RGS6: variants seen among roughly 807,000 people sequenced by gnomAD.
RGS6 encodes the protein regulator of G-protein signaling 6.
In RGS6, 30 loss-of-function variants were observed where a neutral mutation model predicts 78.5. The observed-to-expected ratio is 0.38, with a 90% confidence interval of 0.29 to 0.52. The LOEUF (loss-of-function observed/expected upper bound fraction) is 0.52, where lower values mean the gene tolerates loss of function less well. RGS6 is among the 20% of genes least tolerant of loss of function. The pLI is 0.85. For synonymous variants in RGS6, 206 were observed against 206.0 expected (o/e 1.00, Z 0.00); for missense variants, 495 against 609.7 (o/e 0.81, Z 1.98).
chr14:72,565,811 C>A lies in RGS6; in HGVS notation c.*3344C>A, dbSNP rs1331796508. On this transcript the variant is annotated 3_prime_UTR_variant, in exon 18 of 18. Transcript: ENST00000553525. ...GATGTTTTTCCTAAAATGCATCCCT[C>A]CTGTTCTGCTCCATATACATGTGCT... is the stretch of plus-strand genomic sequence containing the variant. 1.3e-5 allele frequency: 2 copies of A among 152,210 alleles called. No individual in the cohort carries two copies. The highest frequency in any genetic ancestry group is 2.9e-5 in the Non-Finnish European group (2 of 68,082). The allele number at this position is 152,210 out of a possible 1,614,324, so 9.4% of individuals were successfully genotyped here. A position where few individuals can be genotyped will look rare whatever the true frequency, so the allele number is the denominator to read the frequency against.
chr14:72,322,584 A>G (rs1415361308), intron 2 of RGS6, among the ~76,000 whole-genome samples: 1 of 152,104 alleles, frequency 6.6e-6, no homozygotes, highest in African/African-American at 2.4e-5. Flanking sequence ...TAAATAGAGC[A>G]CACAAAAAAG....
At chr14:72,594,926 G>A in the RGS6 span, 2 of 152,042 alleles carry the variant, frequency 1.3e-5, no homozygotes, top group African/African-American at 2.4e-5. Flanking sequence ...TCATCCTGAA[G>A]GCCTAAATTC....
At chr14:72,584,388 G>T in the RGS6 span, among the ~76,000 whole-genome samples, 1 of 152,318 alleles carries the variant, frequency 6.6e-6, no homozygotes, top group East Asian at 1.9e-4. Context: ...AAAATGTCAG[G>T]TAGTAATAAG....
chr14:72,529,461 C>T (rs1447008350), intron 15 of RGS6, among the ~76,000 whole-genome samples: 1 of 152,176 alleles, frequency 6.6e-6, no homozygotes, highest in African/African-American at 2.4e-5. Context: ...CCCACACCAT[C>T]CTCACCTTGG....
intron 2 of RGS6, among the ~76,000 whole-genome samples, chr14:72,058,501 T>G (rs1456087309): frequency 6.6e-6 from 1 of 151,678 alleles, no homozygotes; most frequent in Non-Finnish European, 1.5e-5. Flanking sequence ...AATAGGTATA[T>G]AAAGGGTTTT....
intron 2 of RGS6, among the ~76,000 whole-genome samples, chr14:72,228,815 G>A (rs1464829362): frequency 6.6e-6 from 1 of 152,240 alleles, no homozygotes; most frequent in Non-Finnish European, 1.5e-5. Context: ...GGAGGCCAAG[G>A]CAGCCAGATC....
At chr14:71,909,576 T>TAGAGAGAGAG in the RGS6 span, among the ~76,000 whole-genome samples, 75,374 of 145,770 alleles carry the variant, frequency 0.52, 22,241 homozygotes, top group Non-Finnish European at 0.66. Flanking sequence ...AATAAGGACA[T>TAGAGAGAGAG]AGAGAGAGGG....
chr14:72,154,793 C>T (rs1187270251), intron 2 of RGS6, among the ~76,000 whole-genome samples: 1 of 152,158 alleles, frequency 6.6e-6, no homozygotes, highest in East Asian at 1.9e-4. Context: ...TGCCGTTTTC[C>T]CCAGTAAGTG....
intron 2 of RGS6, among the ~76,000 whole-genome samples, chr14:72,176,240 A>G (rs1405376909): frequency 2.0e-5 from 3 of 152,204 alleles, no homozygotes; most frequent in Non-Finnish European, 4.4e-5. Context: ...TTGGAGAACT[A>G]CATTTGTGGA....
intron 2 of RGS6, among the ~76,000 whole-genome samples, chr14:72,296,406 A>G (rs955110241): frequency 2.0e-5 from 3 of 152,220 alleles, no homozygotes; most frequent in Non-Finnish European, 2.9e-5. Context: ...TTTAAGAAAA[A>G]AACTATCAGA....
At chr14:72,110,784 C>A (rs919959450) in intron 2 of RGS6, among the ~76,000 whole-genome samples, 3 of 152,162 alleles carry the variant, frequency 2.0e-5, no homozygotes, top group Non-Finnish European at 4.4e-5. Flanking sequence ...TATTCATTGA[C>A]CCAGACAAGT....
At chr14:72,391,331 C>T (rs2089932934) in intron 3 of RGS6, among the ~76,000 whole-genome samples, 1 of 152,170 alleles carries the variant, frequency 6.6e-6, no homozygotes, top group African/African-American at 2.4e-5. Context: ...TGAAAAAAAT[C>T]ATTAGCAAAA....
At chr14:72,054,648 A>T (rs539613770) in intron 2 of RGS6, among the ~76,000 whole-genome samples, 2 of 152,180 alleles carry the variant, frequency 1.3e-5, no homozygotes, top group Non-Finnish European at 2.9e-5. Context: ...TGTGAGTGCA[A>T]TGCCTAATCT....
At chr14:71,884,538 G>T in the RGS6 span, among the ~76,000 whole-genome samples, 1 of 152,176 alleles carries the variant, frequency 6.6e-6, no homozygotes, top group East Asian at 1.9e-4. Flanking sequence ...TGGGCTGGGT[G>T]TGGAAAAGGG....
At chr14:72,540,733 C>A in intron 17 of RGS6, 1 of 1,301,886 alleles carries the variant, frequency 7.7e-7, no homozygotes. Flanking sequence ...AGCTGAATCC[C>A]TGCGGTGTCC....
intron 2 of RGS6, among the ~76,000 whole-genome samples, chr14:72,245,201 G>T (rs1265649573): frequency 1.3e-5 from 2 of 152,252 alleles, no homozygotes; most frequent in African/African-American, 2.4e-5. Context: ...TTGAATGCCA[G>T]TTTTATGTGG....
chr14:72,351,805 A>G (rs2079150222), intron 2 of RGS6, among the ~76,000 whole-genome samples: 3 of 152,166 alleles, frequency 2.0e-5, no homozygotes. Flanking sequence ...ATTAAATTAC[A>G]TGTTGGATCC....
intron 2 of RGS6, among the ~76,000 whole-genome samples, chr14:72,150,663 G>A (rs12882756): frequency 0.14 from 20,586 of 151,836 alleles, 1,495 homozygotes; most frequent in South Asian, 0.19. Flanking sequence ...AAATTGCTGC[G>A]AGGTGCTACA....
rs550932114 is a variant in RGS6 at position 72,290,743 on chromosome 14, G to C, written c.85-61352G>C. 2.0e-5 allele frequency among the ~76,000 whole-genome samples: 3 copies of C among 152,288 alleles called. No individual in the cohort carries two copies. The East Asian group carries it at 5.8e-4, about 29-fold the overall frequency. On this transcript the variant is annotated intron_variant, in intron 2 of 17. Coordinates refer to ENST00000553525, the MANE Select transcript of RGS6 (RefSeq NM_001204424.2). ...CTCATTAGGGATTCTTAAAGGAAGT[G>C]CTCAATTTGCACCTATGTTAGCAGA...
Sources: gnomAD v4.1 joint callset for allele counts (sites outside exome capture counted in the v4.1 genomes callset) on GRCh38, gnomAD v4.1.1 for gene constraint, MANE v1.5 for transcripts, NCBI Gene and HGNC (gene_info 2026-07-23, HGNC 2026-07-21) for gene names.